Variants in POLA1 observed in about 807,000 individuals in gnomAD.
The protein encoded by POLA1 is DNA polymerase alpha 1, catalytic subunit.
Under a neutral mutation model 124.0 loss-of-function variants are expected in POLA1, and 15 were observed. The observed-to-expected ratio is 0.12, with a 90% CI of 0.08 to 0.19. POLA1 has a LOEUF of 0.19. Ranked by LOEUF, POLA1 falls within the 10% of genes least tolerant of loss-of-function variation. POLA1 has a pLI of 1.00. For synonymous variants in POLA1, 408 were observed against 389.4 expected (o/e 1.05, Z -0.56); for missense variants, 886 against 1,103.4 (o/e 0.80, Z 2.79).
chrX:24,807,450 T>C (rs1013154661), intron 26 of POLA1, among the ~76,000 whole-genome samples: 2 of 112,250 alleles, frequency 1.8e-5, no homozygotes, highest in African/African-American at 6.5e-5. Flanking sequence ...AAAGGAATTG[T>C]CAAATATTCT....
intron 35 of POLA1, among the ~76,000 whole-genome samples, chrX:24,905,190 A>T (rs2047346418): frequency 9.1e-6 from 1 of 109,980 alleles, no homozygotes; most frequent in Non-Finnish European, 1.9e-5. Context: ...AAAAACTGCA[A>T]AAGTTTTGAC....
At chrX:24,983,034 C>T (rs895321457) in intron 36 of POLA1, among the ~76,000 whole-genome samples, 1 of 112,267 alleles carries the variant, frequency 8.9e-6, no homozygotes, top group African/African-American at 3.2e-5. Flanking sequence ...ATAAAAGCAA[C>T]TCAGACTTCT....
At chrX:24,886,957 G>A (rs965330483) in intron 34 of POLA1, among the ~76,000 whole-genome samples, 1 of 111,691 alleles carries the variant, frequency 9.0e-6, no homozygotes, top group African/African-American at 3.3e-5. Context: ...TCTACAGATA[G>A]TCAGGTCCCT....
At chrX:24,926,655 A>T (rs1304676198) in intron 35 of POLA1, among the ~76,000 whole-genome samples, 1 of 111,723 alleles carries the variant, frequency 9.0e-6, no homozygotes, top group Non-Finnish European at 1.9e-5. Flanking sequence ...CTTGAGCCAG[A>T]TTAGAAGGAT....
chrX:24,696,656 T>C (rs980508340), intron 1 of POLA1, among the ~76,000 whole-genome samples: 8 of 111,531 alleles, frequency 7.2e-5, no homozygotes, highest in South Asian at 3.8e-4. Context: ...CATCAAGACT[T>C]ATAAGGGATG....
chrX:24,923,176 T>C (rs1031503853), intron 35 of POLA1, among the ~76,000 whole-genome samples: 1 of 111,653 alleles, frequency 9.0e-6, no homozygotes, highest in African/African-American at 3.3e-5. Context: ...GTGTACATTC[T>C]ATATAATCTT....
rs72426448 is a variant in POLA1, at chrX:24,984,654, C to CTTTT, written c.4262-11131_4262-11128dup. On this transcript the variant is annotated intron_variant, in intron 36 of 36. Coordinates refer to ENST00000379068, the MANE Select transcript of POLA1 (RefSeq NM_001330360.2). ...AAGAATGCTGAGGAGACCTTTTGCA[C>CTTTT]TTTTTTTTTTTTTTTTTTTTTTTGA... Among the ~76,000 whole-genome samples the CTTTT allele has an allele frequency of 8.8e-4, 69 of 78,707 alleles. 1 individual carries two copies. The highest frequency in any genetic ancestry group is 3.1e-3 in the African/African-American group (62 of 19,689). The allele number at this position is 78,707 out of a possible 115,157, so 68.3% of individuals were successfully genotyped here.
At chrX:24,741,588 C>T (rs1931663386) in intron 21 of POLA1, 84 bp downstream of exon 21, 1 of 780,279 alleles carries the variant, frequency 1.3e-6, no homozygotes, top group African/African-American at 2.1e-5. Context: ...GATAATGAGT[C>T]TAAATGCATG....
At chrX:24,961,061 A>G (rs1246125745) in intron 36 of POLA1, among the ~76,000 whole-genome samples, 2 of 112,158 alleles carry the variant, frequency 1.8e-5, no homozygotes, top group South Asian at 3.7e-4. Context: ...TAATAGCATC[A>G]TGCTTTTAGA....
chrX:24,709,948 G>C (rs1175426244), intron 4 of POLA1, among the ~76,000 whole-genome samples: 1 of 81,435 alleles, frequency 1.2e-5, no homozygotes, highest in Non-Finnish European at 2.4e-5. Context: ...CCAGACGATG[G>C]GCGGCCAGGC....
intron 35 of POLA1, among the ~76,000 whole-genome samples, chrX:24,906,317 C>T (rs902096258): frequency 1.3e-4 from 15 of 112,239 alleles, no homozygotes; most frequent in Non-Finnish European, 2.6e-4. Context: ...TGGAATACTA[C>T]TCAGCCATCA....
At chrX:24,832,286 C>T (rs1406254360) in intron 32 of POLA1, among the ~76,000 whole-genome samples, 1 of 111,227 alleles carries the variant, frequency 9.0e-6, no homozygotes, top group Non-Finnish European at 1.9e-5. Context: ...CAGCCACCCC[C>T]AAAGCACTTT....
chrX:24,975,917 G>C (rs1289185407), intron 36 of POLA1, among the ~76,000 whole-genome samples: 1 of 112,498 alleles, frequency 8.9e-6, no homozygotes, highest in African/African-American at 3.2e-5. Context: ...GATGTTTTCT[G>C]ATCACATTAC....
At position 24,747,469 on chromosome X, in the gene POLA1, C is replaced by T. The variant is rs752409915; in HGVS notation, c.2692-842C>T. On this transcript the variant is annotated intron_variant, in intron 24 of 36. Coordinates refer to ENST00000379068, the MANE Select transcript of POLA1 (RefSeq NM_001330360.2). ...TGTGAGCCACCGCTCCTGGCTGCTC[C>T]GAACTCTTAAATTTGCTGATTTATT... Among the ~76,000 whole-genome samples the T allele has an allele frequency of 1.2e-4, 13 of 110,442 alleles. No individual in the cohort carries two copies. The South Asian group carries it at 1.6e-3, about 13-fold the overall frequency.
intron 10 of POLA1, among the ~76,000 whole-genome samples, chrX:24,722,069 C>T (rs1024002680): frequency 2.7e-5 from 3 of 111,278 alleles, no homozygotes; most frequent in East Asian, 5.6e-4. Flanking sequence ...ATTCTTAGAT[C>T]GTCTTATTTC....
chrX:24,833,984 C>T (rs1482335182), intron 32 of POLA1, among the ~76,000 whole-genome samples: 1 of 109,917 alleles, frequency 9.1e-6, no homozygotes, highest in African/African-American at 3.3e-5. Flanking sequence ...ACTCAGCTGA[C>T]TGAGGTGGGA....
intron 26 of POLA1, among the ~76,000 whole-genome samples, chrX:24,797,582 G>T (rs1423622415): frequency 8.9e-6 from 1 of 112,194 alleles, no homozygotes; most frequent in Non-Finnish European, 1.9e-5. Flanking sequence ...GATCATGTCT[G>T]AATCATTCAC....
At chrX:24,726,162 C>G in intron 13 of POLA1, 107 bp downstream of exon 13, 2 of 496,076 alleles carry the variant, frequency 4.0e-6, no homozygotes, top group Non-Finnish European at 7.0e-6. Flanking sequence ...GCTTCTCAAG[C>G]CCACAGTTCA....
At chrX:24,947,782 G>A (rs1160088229) in intron 36 of POLA1, among the ~76,000 whole-genome samples, 1 of 112,328 alleles carries the variant, frequency 8.9e-6, no homozygotes, top group Non-Finnish European at 1.9e-5. Context: ...GCAGGCACAC[G>A]TATTAATGGC....
Sources: allele counts gnomAD v4.1 joint callset (sites outside exome capture counted in the v4.1 genomes callset), GRCh38; gene constraint gnomAD v4.1.1; transcripts MANE v1.5; gene names NCBI Gene and HGNC (gene_info 2026-07-23, HGNC 2026-07-21).